CREB5: variants seen among roughly 807,000 people sequenced by gnomAD.
CREB5 encodes cyclic AMP-responsive element-binding protein 5.
CREB5 carries 19 observed loss-of-function variants against 57.1 expected under a neutral mutation model. The ratio of observed to expected loss-of-function variants is 0.33; its 90% CI spans 0.23 to 0.49. The LOEUF is 0.49. Ranked by LOEUF, CREB5 falls within the 20% of genes least tolerant of loss-of-function variation. CREB5 has a pLI of 0.99. For synonymous variants in CREB5, 238 were observed against 238.3 expected (o/e 1.00, Z 0.01); for missense variants, 579 against 671.6 (o/e 0.86, Z 1.52).
intron 5 of CREB5, among the ~76,000 whole-genome samples, chr7:28,698,362 A>G (rs965968469): frequency 6.8e-5 from 10 of 146,598 alleles, no homozygotes; most frequent in African/African-American, 2.0e-4. Flanking sequence ...ACCAAAAAAA[A>G]AAAAAAAAAC....
At chr7:28,657,717 GAAAAAAA>G (rs59307921) in intron 5 of CREB5, among the ~76,000 whole-genome samples, 2 of 54,028 alleles carry the variant, frequency 3.7e-5, no homozygotes, top group Non-Finnish European at 7.0e-5. Context: ...ACTCTCTCTC[GAAAAAAA>G]AAAAAAAAAA....
At position 28,467,407 on chromosome 7, in the gene CREB5, C is replaced by T. The variant is rs1282301164; in HGVS notation, c.4-20768C>T. Among the ~76,000 whole-genome samples, 4 of 152,156 alleles carry T rather than the reference C, an allele frequency of 2.6e-5. No individual in the cohort carries two copies. The East Asian group carries it at 5.8e-4, about 22-fold the overall frequency. ...TTATTCCGTCCCTGCTTTTTTCTAT[C>T]GTTTTGCATGCAGAGAAAGAAAAAG... is the stretch of plus-strand genomic sequence containing the variant. On this transcript the variant is annotated intron_variant, in intron 1 of 10. Coordinates refer to ENST00000357727, the MANE Select transcript of CREB5 (RefSeq NM_182898.4).
At chr7:28,452,219 T>G (rs1789855609) in intron 1 of CREB5, among the ~76,000 whole-genome samples, 3 of 152,218 alleles carry the variant, frequency 2.0e-5, no homozygotes, top group Non-Finnish European at 4.4e-5. Context: ...TCAAATGGTC[T>G]ACCTTTATGA....
chr7:28,523,570 C>T (rs1308557920), intron 4 of CREB5, among the ~76,000 whole-genome samples: 1 of 152,188 alleles, frequency 6.6e-6, no homozygotes, highest in Non-Finnish European at 1.5e-5. Context: ...GCTGGGTATT[C>T]TTCATGCTCT....
In CREB5 at chr7:28,744,740, A is replaced by T. The variant is rs1465459810; in HGVS notation, c.702+20408A>T. Among the ~76,000 whole-genome samples the T allele has an allele frequency of 3.3e-5, 5 of 152,226 alleles. No individual in the cohort carries two copies. The East Asian group carries it at 9.6e-4, about 29-fold the overall frequency. On this transcript the variant is annotated intron_variant, in intron 7 of 10. Transcript: ENST00000357727. Reference sequence around the variant, plus strand: ...TTTCAACATATGAATTTGAGGTGGGACATGGGAGGAACAAAATTCAGCCCA... The same window carrying T: ...TTTCAACATATGAATTTGAGGTGGGTCATGGGAGGAACAAAATTCAGCCCA...
At chr7:28,351,113 T>C (rs1786176086) in intron 1 of CREB5, among the ~76,000 whole-genome samples, 1 of 152,162 alleles carries the variant, frequency 6.6e-6, no homozygotes, top group Non-Finnish European at 1.5e-5. Flanking sequence ...AATAAATTAG[T>C]TGGTAACTGT....
intron 5 of CREB5, among the ~76,000 whole-genome samples, chr7:28,624,290 C>T (rs775110702): frequency 5.3e-5 from 8 of 152,118 alleles, no homozygotes; most frequent in Non-Finnish European, 1.2e-4. Context: ...TTTTTGAGTG[C>T]GTATACTTGA....
At chr7:28,435,194 C>T (rs901851681) in intron 1 of CREB5, among the ~76,000 whole-genome samples, 10 of 147,210 alleles carry the variant, frequency 6.8e-5, no homozygotes, top group African/African-American at 1.5e-4. Context: ...CTATAAACAA[C>T]GAAATGATAC....
At chr7:28,513,823 A>G (rs1289892523) in intron 4 of CREB5, 2 of 152,206 alleles carry the variant, frequency 1.3e-5, no homozygotes, top group African/African-American at 4.8e-5. Context: ...ATTTACTTCC[A>G]CATATGTGAA....
intron 5 of CREB5, among the ~76,000 whole-genome samples, chr7:28,579,821 G>A (rs117926851): frequency 0.049 from 7,398 of 152,232 alleles, 240 homozygotes; most frequent in Middle Eastern, 0.092. Flanking sequence ...GAATCACTGA[G>A]CCATTGAACA....
intron 5 of CREB5, among the ~76,000 whole-genome samples, chr7:28,605,128 T>A (rs1341114946): frequency 1.3e-5 from 2 of 152,162 alleles, no homozygotes; most frequent in African/African-American, 2.4e-5. Context: ...TTTGGGTTCT[T>A]GTAACACTGA....
At chr7:28,627,849 A>G (rs556334178) in intron 5 of CREB5, among the ~76,000 whole-genome samples, 1 of 152,270 alleles carries the variant, frequency 6.6e-6, no homozygotes, top group African/African-American at 2.4e-5. Flanking sequence ...AGTGTTCAGT[A>G]AATAAAAATC....
intron 5 of CREB5, among the ~76,000 whole-genome samples, chr7:28,631,281 C>T (rs1798192462): frequency 6.6e-6 from 1 of 152,124 alleles, no homozygotes; most frequent in Non-Finnish European, 1.5e-5. Flanking sequence ...TGTGAGTTGC[C>T]TTCTGTGTGG....
chr7:28,720,840 TA>T, intron 6 of CREB5, among the ~76,000 whole-genome samples: 1 of 152,306 alleles, frequency 6.6e-6, no homozygotes, highest in Non-Finnish European at 1.5e-5. Context: ...ATTATTTTTT[TA>T]CAACTTCTAT....
chr7:28,339,375 G>T (rs1465768465), intron 1 of CREB5, among the ~76,000 whole-genome samples: 1 of 152,184 alleles, frequency 6.6e-6, no homozygotes, highest in African/African-American at 2.4e-5. Context: ...TACGATTCTT[G>T]CAGACTTTTA....
intron 1 of CREB5, among the ~76,000 whole-genome samples, chr7:28,404,500 A>G (rs56763819): frequency 0.044 from 6,639 of 152,278 alleles, 186 homozygotes; most frequent in Non-Finnish European, 0.05. Flanking sequence ...GGTGCTCCTG[A>G]GGCATCATGA....
intron 7 of CREB5, among the ~76,000 whole-genome samples, chr7:28,797,023 G>A (rs1034727801): frequency 3.6e-4 from 55 of 152,172 alleles, no homozygotes; most frequent in African/African-American, 1.3e-3. Context: ...CTATAAATGT[G>A]CATTCATTAA....
intron 1 of CREB5, among the ~76,000 whole-genome samples, chr7:28,480,546 G>A (rs1206610425): frequency 6.9e-6 from 1 of 145,084 alleles, no homozygotes; most frequent in Non-Finnish European, 1.5e-5. Context: ...CAGGTAAAAA[G>A]GAAGAGAGTT....
intron 3 of CREB5, among the ~76,000 whole-genome samples, chr7:28,502,863 A>C (rs1361417034): frequency 6.6e-6 from 1 of 152,236 alleles, no homozygotes; most frequent in African/African-American, 2.4e-5. Context: ...CCATTGAGGA[A>C]AATGAAACAG....
Sources: gnomAD v4.1 joint callset for allele counts (sites outside exome capture counted in the v4.1 genomes callset) on GRCh38, gnomAD v4.1.1 for gene constraint, MANE v1.5 for transcripts, NCBI Gene and HGNC (gene_info 2026-07-23, HGNC 2026-07-21) for gene names.